NPSR1: variants seen among roughly 807,000 people sequenced by gnomAD.
NPSR1 encodes neuropeptide S receptor.
A neutral mutation model predicts 46.9 loss-of-function variants in NPSR1; 48 were observed. The observed-to-expected ratio is 1.02, with a 90% CI of 0.81 to 1.30. The LOEUF (loss-of-function observed/expected upper bound fraction) is 1.30. NPSR1 is among the 50% of genes most tolerant of loss of function. NPSR1 has a pLI of 0.00. For synonymous variants in NPSR1, 176 were observed against 168.1 expected, an observed-to-expected ratio of 1.05 and a Z score of -0.36; for missense variants, 450 against 449.5, an observed-to-expected ratio of 1.00 and a Z score of -0.01.
At chr7:34,806,720 A>C (rs1788718559) in intron 3 of NPSR1, among the ~76,000 whole-genome samples, 1 of 152,172 alleles carries the variant, frequency 6.6e-6, no homozygotes, top group Non-Finnish European at 1.5e-5. Context: ...CAAGATGTTA[A>C]TGACAAGGAA....
chr7:34,727,466 T>G (rs1281514499), intron 2 of NPSR1, among the ~76,000 whole-genome samples: 1 of 152,240 alleles, frequency 6.6e-6, no homozygotes, highest in African/African-American at 2.4e-5. Flanking sequence ...AACTCTAGTT[T>G]GATATCAAAA....
At chr7:34,820,997 G>A (rs1010769295) in intron 4 of NPSR1, among the ~76,000 whole-genome samples, 1 of 152,122 alleles carries the variant, frequency 6.6e-6, no homozygotes. Flanking sequence ...AACCCGCACT[G>A]CCCATCATGG....
chr7:34,834,528 A>C, intron 6 of NPSR1, 68 bp downstream of exon 6: 3 of 1,099,848 alleles, frequency 2.7e-6, no homozygotes, highest in Non-Finnish European at 4.2e-6. Flanking sequence ...CTTCTAGCAA[A>C]TGTGAGCTAG....
intron 2 of NPSR1, among the ~76,000 whole-genome samples, chr7:34,736,924 A>G (rs1223979530): frequency 3.9e-5 from 6 of 152,194 alleles, no homozygotes; most frequent in African/African-American, 1.4e-4. Flanking sequence ...TTTTTTAAAT[A>G]TTCGCAATTT....
chr7:34,784,260 C>A (rs1487670249), intron 3 of NPSR1, among the ~76,000 whole-genome samples: 1 of 152,216 alleles, frequency 6.6e-6, no homozygotes, highest in East Asian at 1.9e-4. Context: ...CTGTCTTGTG[C>A]CAGTTTTCAA....
At chr7:34,851,435 T>A (rs1434104624), downstream of NPSR1, among the ~76,000 whole-genome samples, 1 of 152,080 alleles carries the variant, frequency 6.6e-6, no homozygotes, top group Non-Finnish European at 1.5e-5. Context: ...GGAGCCTGAA[T>A]AATCTAGTTT....
intron 8 of NPSR1, among the ~76,000 whole-genome samples, chr7:34,858,176 T>C (rs768071757): frequency 5.3e-5 from 8 of 151,730 alleles, no homozygotes; most frequent in Non-Finnish European, 1.0e-4. Context: ...ACCTTGAAAT[T>C]CCACACTGAG....
chr7:34,848,483 C>G lies in NPSR1; in HGVS notation c.845C>G (p.Ala282Gly). 6.2e-7 allele frequency: 1 copy of G among 1,613,896 alleles called. No individual in the cohort carries two copies. Among genetic ancestry groups the G allele is most frequent in the Non-Finnish European group, 8.5e-7 (1 of 1,179,860 alleles). The change falls in exon 8 of 9, where the codon GCC becomes GGC. Residue 282 changes from alanine to glycine, a missense_variant and splice_region_variant. Physicochemically the swap from Ala to Gly is moderately conservative, Grantham distance 60 (BLOSUM62 0). Coordinates refer to ENST00000360581, the MANE Select transcript of NPSR1 (RefSeq NM_207172.2). Reference protein sequence around the residue: ...AIKYSIIIILAFICCWSPYFL... With the variant: ...AIKYSIIIILGFICCWSPYFL... ...TGCTAATGGCTCTCTTCTCCCCCAGCCTTCATCTGCTGTTGGAGTCCATAC... is the reference window on the plus strand; with the variant it reads ...TGCTAATGGCTCTCTTCTCCCCCAGGCTTCATCTGCTGTTGGAGTCCATAC...
chr7:34,847,006 G>A (rs1016554123), intron 7 of NPSR1, among the ~76,000 whole-genome samples: 12 of 152,104 alleles, frequency 7.9e-5, no homozygotes, highest in African/African-American at 2.9e-4. Context: ...AGCACACAAG[G>A]CCATTTGCCC....
At chr7:34,850,340 G>A (rs1790895072), downstream of NPSR1, among the ~76,000 whole-genome samples, 1 of 151,758 alleles carries the variant, frequency 6.6e-6, no homozygotes, top group Non-Finnish European at 1.5e-5. Context: ...AAAAAGCCAT[G>A]GGCCCCTGAC....
chr7:34,658,440 T>C lies in NPSR1; in HGVS notation c.28T>C (p.Phe10Leu). 5 of 1,614,126 alleles carry C rather than the reference T, an allele frequency of 3.1e-6. No individual in the cohort carries two copies. The South Asian group carries it at 4.4e-5, about 14-fold the overall frequency. ...GCCAGCCAACTTCACAGAGGGCAGC[T>C]TCGATTCCAGTGGGACCGGGCAGAC... MPANFTEGS[F>L]DSSGTGQTLD... The change falls in exon 1 of 9, where the codon TTC becomes CTC. Residue 10 changes from phenylalanine to leucine, a missense_variant. Transcript: ENST00000360581.
chr7:34,694,902 G>A (rs1457847675), intron 2 of NPSR1, among the ~76,000 whole-genome samples: 1 of 152,128 alleles, frequency 6.6e-6, no homozygotes, highest in Non-Finnish European at 1.5e-5. Context: ...TAGAGACGGG[G>A]TTTCACCATG....
intron 3 of NPSR1, among the ~76,000 whole-genome samples, chr7:34,778,781 A>G (rs896511942): frequency 6.6e-6 from 1 of 152,204 alleles, no homozygotes; most frequent in Non-Finnish European, 1.5e-5. Flanking sequence ...CAAATGAGCA[A>G]TGCTAAGGAC....
At chr7:34,695,998 C>T (rs748797829) in intron 2 of NPSR1, among the ~76,000 whole-genome samples, 18 of 150,974 alleles carry the variant, frequency 1.2e-4, no homozygotes, top group Non-Finnish European at 2.4e-4. Context: ...AAGACATTTG[C>T]CCTCATATGT....
intron 2 of NPSR1, among the ~76,000 whole-genome samples, chr7:34,759,297 T>C (rs189168986): frequency 3.3e-5 from 5 of 152,320 alleles, no homozygotes; most frequent in Non-Finnish European, 7.4e-5. Flanking sequence ...GATTTTCTAA[T>C]TTCATTATTT....
intron 2 of NPSR1, among the ~76,000 whole-genome samples, chr7:34,740,076 G>A (rs1416662706): frequency 6.6e-6 from 1 of 152,138 alleles, no homozygotes; most frequent in Non-Finnish European, 1.5e-5. Context: ...GGAAGTCTTA[G>A]TGCAGCTGCT....
chr7:34,784,596 T>C lies in NPSR1; in HGVS notation c.384+6031T>C, dbSNP rs1304692180. 4.6e-5 allele frequency among the ~76,000 whole-genome samples: 7 copies of C among 152,340 alleles called. No homozygotes were observed. In the South Asian group the frequency reaches 8.3e-4, roughly 18 times the overall value. ...CTGGATTCGGTTTGCCAGTATTTTATTGAGGATTTTTCCATCAATGTTCAT... is the reference window on the plus strand; with the variant it reads ...CTGGATTCGGTTTGCCAGTATTTTACTGAGGATTTTTCCATCAATGTTCAT... On this transcript the variant is annotated intron_variant, in intron 3 of 8. Coordinates refer to ENST00000360581, the MANE Select transcript of NPSR1 (RefSeq NM_207172.2).
chr7:34,848,455 T>C (rs1193672542), intron 7 of NPSR1, 28 bp from the exon 8 acceptor site: 2 of 1,608,876 alleles, frequency 1.2e-6, no homozygotes, highest in Admixed American at 3.3e-5. Flanking sequence ...CTACCTGCTG[T>C]GATGCTAATG....
At chr7:34,726,822 A>ATT (rs1444639048) in intron 2 of NPSR1, among the ~76,000 whole-genome samples, 1 of 130,296 alleles carries the variant, frequency 7.7e-6, no homozygotes, top group Non-Finnish European at 1.5e-5. Flanking sequence ...AAGACAGTAA[A>ATT]AAAAAAAAAA....
Sources: gnomAD v4.1 joint callset for allele counts (sites outside exome capture counted in the v4.1 genomes callset) on GRCh38, gnomAD v4.1.1 for gene constraint, MANE v1.5 for transcripts, NCBI Gene and HGNC (gene_info 2026-07-23, HGNC 2026-07-21) for gene names.